The following FTO variants were observed in gnomAD, a reference collection of about 807,000 sequenced individuals.
The protein encoded by FTO is FTO alpha-ketoglutarate dependent dioxygenase.
In FTO, 47 loss-of-function variants were observed where a neutral mutation model predicts 63.9. That is an observed-to-expected ratio of 0.74 (90% CI 0.58 to 0.94). The LOEUF (loss-of-function observed/expected upper bound fraction) is 0.94, where lower values mean the gene tolerates loss of function less well. Among genes scored for constraint, FTO ranks in the 40% least tolerant of loss-of-function variants. The pLI is 0.00. For missense variants in FTO, 562 were observed against 618.1 expected, an observed-to-expected ratio of 0.91 and a Z score of 0.96; for synonymous variants, 207 against 224.4, an observed-to-expected ratio of 0.92 and a Z score of 0.69.
chr16:53,834,544 A>C (rs1316429454), intron 3 of FTO, among the ~76,000 whole-genome samples: 1 of 152,200 alleles, frequency 6.6e-6, no homozygotes. Flanking sequence ...TATCCACCTC[A>C]AGATTGTGAG....
At chr16:53,725,630 AG>A (rs2076135176) in intron 1 of FTO, among the ~76,000 whole-genome samples, 1 of 152,252 alleles carries the variant, frequency 6.6e-6, no homozygotes, top group Non-Finnish European at 1.5e-5. Flanking sequence ...GGTAGAGAAT[AG>A]GGCAATTAGT....
intron 1 of FTO, among the ~76,000 whole-genome samples, chr16:53,783,851 T>C (rs1241802250): frequency 1.3e-5 from 2 of 152,144 alleles, no homozygotes; most frequent in Non-Finnish European, 2.9e-5. Context: ...ACCTTCCTGC[T>C]TTGCTCATTT....
chr16:53,817,069 G>C (rs2078712993), intron 2 of FTO, among the ~76,000 whole-genome samples: 1 of 152,180 alleles, frequency 6.6e-6, no homozygotes, highest in Non-Finnish European at 1.5e-5. Context: ...TAAATTATGA[G>C]ATGCTGTCAA....
At chr16:53,988,194 A>G (rs2083717690) in intron 8 of FTO, among the ~76,000 whole-genome samples, 1 of 152,232 alleles carries the variant, frequency 6.6e-6, no homozygotes, top group South Asian at 2.1e-4. Flanking sequence ...CAGTGCAGTC[A>G]TTTTTAATGG....
chr16:53,817,450 G>A (rs766650690), intron 2 of FTO, among the ~76,000 whole-genome samples: 21 of 152,184 alleles, frequency 1.4e-4, no homozygotes, highest in Non-Finnish European at 2.9e-4. Context: ...AAATTGCTGA[G>A]TGCAAAATAG....
At chr16:53,975,269 C>CAT (rs1336462777) in intron 8 of FTO, among the ~76,000 whole-genome samples, 1 of 150,214 alleles carries the variant, frequency 6.7e-6, no homozygotes, top group African/African-American at 2.4e-5. Flanking sequence ...TTGTTATATT[C>CAT]ATAACAAATT....
chr16:53,878,335 T>C (rs911796549), intron 5 of FTO, among the ~76,000 whole-genome samples: 1 of 152,056 alleles, frequency 6.6e-6, no homozygotes, highest in Non-Finnish European at 1.5e-5. Flanking sequence ...GAGGTTGCTG[T>C]GGGACAAAAA....
chr16:53,731,032 A>C (rs954383669), intron 1 of FTO, among the ~76,000 whole-genome samples: 2 of 152,206 alleles, frequency 1.3e-5, no homozygotes, highest in African/African-American at 4.8e-5. Flanking sequence ...CTCTTGATGC[A>C]TATTGCCAAG....
At chr16:53,816,855 A>C (rs1410155679) in intron 2 of FTO, among the ~76,000 whole-genome samples, 2 of 152,210 alleles carry the variant, frequency 1.3e-5, no homozygotes, top group African/African-American at 4.8e-5. Context: ...ATGAGCTTCT[A>C]GAGAGAAAAT....
rs113454766 is a variant in FTO, at chr16:53,781,794, C to CTGTT, written c.46-28324_46-28321dup. On this transcript the variant is annotated intron_variant, in intron 1 of 8. Coordinates refer to ENST00000471389, the MANE Select transcript of FTO (RefSeq NM_001080432.3). ...CACTGATGCATTCTTTTTAACAGCC[C>CTGTT]TGTTTGTTTGTTTGTTTGTTTGTTT... Among the ~76,000 whole-genome samples the CTGTT allele has an allele frequency of 4.2e-3, 631 of 151,702 alleles. 1 individual carries two copies. The highest frequency in any genetic ancestry group is 0.01 in the African/African-American group (420 of 41,242).
At chr16:53,704,931 G>A (rs1217959718) in intron 1 of FTO, among the ~76,000 whole-genome samples, 1 of 152,116 alleles carries the variant, frequency 6.6e-6, no homozygotes, top group Non-Finnish European at 1.5e-5. Context: ...GAAGAACTGA[G>A]GCTCAGAAGC....
intron 8 of FTO, among the ~76,000 whole-genome samples, chr16:54,031,229 T>G (rs1256052705): frequency 6.6e-6 from 1 of 152,236 alleles, no homozygotes; most frequent in Non-Finnish European, 1.5e-5. Context: ...AATGGATTTT[T>G]TAGTTGTCTA....
intron 7 of FTO, chr16:53,911,529 G>A (rs1338415036): frequency 1.4e-6 from 1 of 702,050 alleles, no homozygotes; most frequent in Non-Finnish European, 2.6e-6. Context: ...TGAATCTATA[G>A]ATGCATTTGT....
At position 54,115,209 on chromosome 16, in the gene FTO, G is replaced by A. The variant is rs1180919279; in HGVS notation, c.*3294G>A. 2.6e-5 allele frequency: 4 copies of A among 152,220 alleles called. No homozygotes were observed. Among genetic ancestry groups the A allele is most frequent in the African/African-American group, 9.7e-5 (4 of 41,402 alleles). 9.4% of individuals were successfully genotyped at this position (152,220 alleles called of 1,614,324 possible). ...TCCTCCCTGTGGTCCCAGGTCTCTT[G>A]AGAAAAGTGATCTAAGAGATCCCTT... On this transcript the variant is annotated 3_prime_UTR_variant, in exon 9 of 9. Coordinates refer to ENST00000471389, the MANE Select transcript of FTO (RefSeq NM_001080432.3).
chr16:53,708,686 T>A (rs1277916802), intron 1 of FTO, among the ~76,000 whole-genome samples: 1 of 152,240 alleles, frequency 6.6e-6, no homozygotes, highest in African/African-American at 2.4e-5. Flanking sequence ...CAACACTTGT[T>A]GTTGTCTGTC....
chr16:54,005,564 A>T (rs948970547), intron 8 of FTO, among the ~76,000 whole-genome samples: 1 of 152,040 alleles, frequency 6.6e-6, no homozygotes, highest in Non-Finnish European at 1.5e-5. Flanking sequence ...TTTGGTGAAG[A>T]TATGATTACC....
intron 8 of FTO, among the ~76,000 whole-genome samples, chr16:54,086,090 A>G (rs572135861): frequency 1.3e-5 from 2 of 152,202 alleles, no homozygotes; most frequent in African/African-American, 4.8e-5. Context: ...GATTTTTTTT[A>G]AAGTGGAAAA....
chr16:54,069,097 T>C (rs2085799821), intron 8 of FTO, among the ~76,000 whole-genome samples: 1 of 152,246 alleles, frequency 6.6e-6, no homozygotes, highest in African/African-American at 2.4e-5. Flanking sequence ...TCCAGTTTTA[T>C]GTTGGGCTTT....
At chr16:54,083,839 G>T (rs2086203534) in intron 8 of FTO, among the ~76,000 whole-genome samples, 1 of 152,098 alleles carries the variant, frequency 6.6e-6, no homozygotes, top group Admixed American at 6.6e-5. Context: ...TGTTCCTCTG[G>T]TGGAAGCAAG....
Sources: allele counts gnomAD v4.1 joint callset (sites outside exome capture counted in the v4.1 genomes callset), GRCh38; gene constraint gnomAD v4.1.1; transcripts MANE v1.5; gene names NCBI Gene and HGNC (gene_info 2026-07-23, HGNC 2026-07-21).